RGL1: variants seen among roughly 807,000 people sequenced by gnomAD.
The protein encoded by RGL1 is ral guanine nucleotide dissociation stimulator like 1.
A neutral mutation model predicts 95.2 loss-of-function variants in RGL1; 24 were observed. The ratio of observed to expected loss-of-function variants is 0.25; its 90% CI spans 0.18 to 0.35. The LOEUF is 0.35. Among genes scored for constraint, RGL1 ranks in the 10% least tolerant of loss-of-function variants. The pLI is 1.00. For synonymous variants in RGL1, 329 were observed against 344.9 expected (o/e 0.95, Z 0.51); for missense variants, 715 against 936.3 (o/e 0.76, Z 3.08).
At chr1:183,787,573 A>G (rs1660240152) in intron 2 of RGL1, among the ~76,000 whole-genome samples, 2 of 152,168 alleles carry the variant, frequency 1.3e-5, no homozygotes, top group African/African-American at 4.8e-5. Flanking sequence ...AATGGAACAA[A>G]TGATAACATT....
chr1:183,760,568 CAAAAAA>C (rs58715145), intron 2 of RGL1, among the ~76,000 whole-genome samples: 1 of 50,720 alleles, frequency 2.0e-5, no homozygotes, highest in Non-Finnish European at 3.5e-5. Context: ...CCAGTCTCTG[CAAAAAA>C]AAAAAAAAAA....
intron 3 of RGL1, among the ~76,000 whole-genome samples, chr1:183,856,139 C>G (rs1334887953): frequency 1.3e-5 from 2 of 152,028 alleles, no homozygotes; most frequent in Non-Finnish European, 2.9e-5. Context: ...AATATCCTGA[C>G]TAGGGTGAGA....
At chr1:183,798,535 TTG>T (rs537495334) in intron 2 of RGL1, among the ~76,000 whole-genome samples, 2 of 152,168 alleles carry the variant, frequency 1.3e-5, no homozygotes, top group Non-Finnish European at 2.9e-5. Context: ...TCTTATTATT[TTG>T]TGTGTGTATG....
chr1:183,856,202 T>A (rs1665130648), intron 3 of RGL1, among the ~76,000 whole-genome samples: 1 of 152,002 alleles, frequency 6.6e-6, no homozygotes. Flanking sequence ...AACAGATGAG[T>A]TTAAATAGAT....
intron 1 of RGL1, among the ~76,000 whole-genome samples, chr1:183,729,279 A>C (rs572827001): frequency 6.6e-6 from 1 of 152,210 alleles, no homozygotes; most frequent in African/African-American, 2.4e-5. Context: ...GATAGAACCA[A>C]TTATAAAGTC....
At chr1:183,925,411 T>C (rs1558299035) in intron 17 of RGL1, among the ~76,000 whole-genome samples, 1 of 152,174 alleles carries the variant, frequency 6.6e-6, no homozygotes, top group Non-Finnish European at 1.5e-5. Flanking sequence ...AGATGACAGA[T>C]TGATAGGTGC....
intron 5 of RGL1, among the ~76,000 whole-genome samples, chr1:183,883,084 G>A (rs756612562): frequency 6.6e-5 from 10 of 152,142 alleles, no homozygotes; most frequent in East Asian, 1.9e-4. Flanking sequence ...CTTTCAAAAT[G>A]GAGACTGGAG....
At chr1:183,732,346 G>T (rs1031515416) in intron 1 of RGL1, among the ~76,000 whole-genome samples, 1 of 152,110 alleles carries the variant, frequency 6.6e-6, no homozygotes, top group African/African-American at 2.4e-5. Context: ...CTGTAACCCA[G>T]TTGGAATGAA....
chr1:183,801,144 TG>T (rs1660965939), upstream of RGL1, among the ~76,000 whole-genome samples: 3 of 2,142 alleles, frequency 1.4e-3, no homozygotes, highest in African/African-American at 2.2e-3. Flanking sequence ...CTTGTTATTT[TG>T]TGTGTGTGTG....
At chr1:183,820,689 T>C (rs1377787111) in intron 2 of RGL1, among the ~76,000 whole-genome samples, 4 of 152,202 alleles carry the variant, frequency 2.6e-5, no homozygotes, top group African/African-American at 7.2e-5. Flanking sequence ...CCAGTCCTAA[T>C]TGAAATGTTC....
chr1:183,681,478 T>A (rs1558150580), intron 1 of RGL1, among the ~76,000 whole-genome samples: 1 of 152,192 alleles, frequency 6.6e-6, no homozygotes, highest in African/African-American at 2.4e-5. Context: ...GGCTTACGCT[T>A]ATTAATTTGC....
chr1:183,777,734 T>C (rs1374788739), intron 2 of RGL1, among the ~76,000 whole-genome samples: 1 of 152,228 alleles, frequency 6.6e-6, no homozygotes. Context: ...ATCTAAGATT[T>C]TCAAAGACTC....
chr1:183,870,806 T>C (rs996079062), intron 4 of RGL1, among the ~76,000 whole-genome samples: 5 of 152,172 alleles, frequency 3.3e-5, no homozygotes, highest in African/African-American at 9.7e-5. Context: ...AGCAGGCCTA[T>C]TTGGAAATTT....
chr1:183,849,979 G>A (rs1016422514), intron 3 of RGL1, among the ~76,000 whole-genome samples: 3 of 152,106 alleles, frequency 2.0e-5, no homozygotes, highest in East Asian at 1.9e-4. Context: ...CACAGAAAAC[G>A]GGAATGCCTA....
chr1:183,706,495 C>T (rs186326803), intron 1 of RGL1, among the ~76,000 whole-genome samples: 14 of 152,292 alleles, frequency 9.2e-5, no homozygotes, highest in Admixed American at 2.0e-4. Context: ...TGATGAGATA[C>T]GAGTAGGAGG....
chr1:183,695,382 C>A (rs1654193523), intron 1 of RGL1, among the ~76,000 whole-genome samples: 1 of 152,210 alleles, frequency 6.6e-6, no homozygotes, highest in African/African-American at 2.4e-5. Context: ...TAATGAGAGA[C>A]TGTACTTGCT....
intron 2 of RGL1, among the ~76,000 whole-genome samples, chr1:183,799,408 T>TA (rs1660871141): frequency 6.6e-6 from 1 of 152,236 alleles, no homozygotes; most frequent in African/African-American, 2.4e-5. Context: ...ATAGTGGCTG[T>TA]ACCAATTTAC....
intron 1 of RGL1, among the ~76,000 whole-genome samples, chr1:183,733,268 G>A (rs1484822508): frequency 6.6e-6 from 1 of 152,276 alleles, no homozygotes; most frequent in East Asian, 1.9e-4. Flanking sequence ...TGATAAAAAT[G>A]TCACTATGTT....
chr1:183,861,354 T>C (rs749829127), intron 3 of RGL1, among the ~76,000 whole-genome samples: 1 of 152,166 alleles, frequency 6.6e-6, no homozygotes, highest in Non-Finnish European at 1.5e-5. Flanking sequence ...TACAACTTTA[T>C]CTAAGGGTTT....
Sources: allele counts gnomAD v4.1 joint callset (sites outside exome capture counted in the v4.1 genomes callset), GRCh38; gene constraint gnomAD v4.1.1; transcripts MANE v1.5; gene names NCBI Gene and HGNC (gene_info 2026-07-23, HGNC 2026-07-21).